Variants in ARFGEF2 observed in about 807,000 individuals in gnomAD.
ARFGEF2 encodes the protein brefeldin A-inhibited guanine nucleotide-exchange protein 2.
ARFGEF2 carries 74 observed loss-of-function variants against 219.9 expected under a neutral mutation model. That is an observed-to-expected ratio of 0.34 (90% CI 0.28 to 0.41). ARFGEF2 has a LOEUF of 0.41. Ranked by LOEUF, ARFGEF2 falls within the 10% of genes least tolerant of loss-of-function variation. The pLI is 1.00. For synonymous variants in ARFGEF2, 733 were observed against 799.2 expected (o/e 0.92, Z 1.40); for missense variants, 1,743 against 2,218.3 (o/e 0.79, Z 4.30).
At chr20:48,987,962 A>G (rs2091335846) in intron 16 of ARFGEF2, among the ~76,000 whole-genome samples, 1 of 151,878 alleles carries the variant, frequency 6.6e-6, no homozygotes, top group Non-Finnish European at 1.5e-5. Context: ...TAATTTTTGT[A>G]TTTTTAGTAG....
chr20:48,982,969 C>T (rs574164529), intron 14 of ARFGEF2, among the ~76,000 whole-genome samples: 3 of 152,268 alleles, frequency 2.0e-5, no homozygotes, highest in South Asian at 2.1e-4. Context: ...AGCGATGCCC[C>T]GCCCTGCTTC....
intron 33 of ARFGEF2, among the ~76,000 whole-genome samples, chr20:49,018,010 C>T (rs1328509538): frequency 1.3e-5 from 2 of 152,162 alleles, no homozygotes; most frequent in Non-Finnish European, 2.9e-5. Flanking sequence ...TTGTTGCCCT[C>T]CTAAATTAAT....
chr20:48,994,718 T>C, intron 22 of ARFGEF2, 120 bp downstream of exon 22: 1 of 1,401,782 alleles, frequency 7.1e-7, no homozygotes, highest in Non-Finnish European at 9.8e-7. Flanking sequence ...CATCTGACAG[T>C]GTTCATGAAT....
chr20:48,951,864 T>C (rs2091072985), intron 4 of ARFGEF2, among the ~76,000 whole-genome samples: 1 of 152,172 alleles, frequency 6.6e-6, no homozygotes, highest in African/African-American at 2.4e-5. Flanking sequence ...GCACAGATAG[T>C]ACCATCTGCT....
chr20:49,003,687 G>C (rs16994295), intron 25 of ARFGEF2, among the ~76,000 whole-genome samples: 16,344 of 152,158 alleles, frequency 0.11, 1,253 homozygotes, highest in African/African-American at 0.22. Flanking sequence ...GCAGGCCTCT[G>C]CAAGATATCC....
intron 34 of ARFGEF2, among the ~76,000 whole-genome samples, chr20:49,020,898 A>G (rs2091561498): frequency 6.6e-6 from 1 of 152,202 alleles, no homozygotes; most frequent in Admixed American, 6.5e-5. Flanking sequence ...CCCCCAGGGA[A>G]CAGTGCCTTT....
chr20:48,965,795 C>G, intron 7 of ARFGEF2, 77 bp from the exon 8 acceptor site: 1 of 1,567,452 alleles, frequency 6.4e-7, no homozygotes, highest in Non-Finnish European at 8.8e-7. Flanking sequence ...TCACAGATAA[C>G]TTCTTTTTGG....
At chr20:48,948,378 C>T (rs1161324645) in intron 3 of ARFGEF2, among the ~76,000 whole-genome samples, 1 of 152,194 alleles carries the variant, frequency 6.6e-6, no homozygotes, top group African/African-American at 2.4e-5. Context: ...ATCTCTCGCT[C>T]CCCTGTACAG....
chr20:48,942,069 A>G, intron 3 of ARFGEF2, 82 bp downstream of exon 3: 1 of 1,569,768 alleles, frequency 6.4e-7, no homozygotes, highest in Non-Finnish European at 8.7e-7. Context: ...GCTGGGGACC[A>G]CGCTGGCACT....
rs2091538152 is a variant in ARFGEF2 at position 49,017,561 on chromosome 20, G to A, written c.4509+11G>A. 6.2e-7 allele frequency: 1 copy of A among 1,613,564 alleles called. No homozygotes were observed. The highest frequency in any genetic ancestry group is 1.7e-5 in the Admixed American group (1 of 59,972). On this transcript the variant is annotated intron_variant, in intron 33 of 38. Coordinates refer to ENST00000371917, the MANE Select transcript of ARFGEF2 (RefSeq NM_006420.3). Reference sequence around the variant, plus strand: ...TCAGAAAAGCATTTGGTAGGATTTGGGGTTTTTCTTTGGTTGTCTTTTCTT... The same window carrying A: ...TCAGAAAAGCATTTGGTAGGATTTGAGGTTTTTCTTTGGTTGTCTTTTCTT...
intron 26 of ARFGEF2, 80 bp downstream of exon 26, chr20:49,005,301 A>G: frequency 1.3e-6 from 2 of 1,565,928 alleles, no homozygotes; most frequent in Non-Finnish European, 8.7e-7. Flanking sequence ...TAACCACATG[A>G]TTAATTTTTT....
intron 16 of ARFGEF2, among the ~76,000 whole-genome samples, chr20:48,986,562 C>T (rs984011628): frequency 2.6e-5 from 4 of 151,348 alleles, no homozygotes; most frequent in South Asian, 4.2e-4. Context: ...TACAGTGAGC[C>T]GAGACCACAC....
chr20:49,016,168 T>G (rs1455136100), intron 30 of ARFGEF2, 112 bp from the exon 31 acceptor site: 8 of 1,094,638 alleles, frequency 7.3e-6, no homozygotes, highest in Non-Finnish European at 1.1e-5. Flanking sequence ...AGACGTATTC[T>G]TGATACATAT....
chr20:49,015,016 TC>T (rs1246345692), intron 30 of ARFGEF2, among the ~76,000 whole-genome samples: 1 of 152,222 alleles, frequency 6.6e-6, no homozygotes, highest in Non-Finnish European at 1.5e-5. Flanking sequence ...AAAATAGAAT[TC>T]CAACACACGT....
chr20:48,976,208 G>A lies in ARFGEF2; in HGVS notation c.1958+9G>A. On this transcript the variant is annotated intron_variant, in intron 14 of 38. Coordinates refer to ENST00000371917, the MANE Select transcript of ARFGEF2 (RefSeq NM_006420.3). Reference sequence around the variant, plus strand: ...GAACACGGCATCGAGCTGTGAGTGGGGCTGCCGTTAACTAGCAGGGATTCT... The same window carrying A: ...GAACACGGCATCGAGCTGTGAGTGGAGCTGCCGTTAACTAGCAGGGATTCT... 1 of 1,613,748 alleles carries A rather than the reference G, an allele frequency of 6.2e-7. No individual in the cohort carries two copies. Among genetic ancestry groups the A allele is most frequent in the Non-Finnish European group, 8.5e-7 (1 of 1,179,970 alleles).
intron 30 of ARFGEF2, 36 bp from the exon 31 acceptor site, chr20:49,016,244 G>A: frequency 6.2e-7 from 1 of 1,610,942 alleles, no homozygotes; most frequent in South Asian, 1.1e-5. Context: ...ACTGCAGGGA[G>A]AATAGCTTTT....
chr20:49,021,745 A>G (rs2091566042), intron 34 of ARFGEF2, among the ~76,000 whole-genome samples: 1 of 151,082 alleles, frequency 6.6e-6, no homozygotes, highest in Admixed American at 6.6e-5. Context: ...GCTACTTGGG[A>G]GGAGGCAGGA....
At chr20:48,995,716 C>T (rs2123475250) in intron 22 of ARFGEF2, 67 bp from the exon 23 acceptor site, 2 of 1,370,792 alleles carry the variant, frequency 1.5e-6, no homozygotes, top group East Asian at 4.6e-5. Context: ...GTTGACATAA[C>T]AGGATGCTTT....
At chr20:49,017,100 T>G in intron 31 of ARFGEF2, 149 bp from the exon 32 acceptor site, 1 of 722,296 alleles carries the variant, frequency 1.4e-6, no homozygotes, top group Non-Finnish European at 2.2e-6. Context: ...TAATAAAAAT[T>G]TTAATACTGT....
Sources: allele counts gnomAD v4.1 joint callset (sites outside exome capture counted in the v4.1 genomes callset), GRCh38; gene constraint gnomAD v4.1.1; transcripts MANE v1.5; gene names NCBI Gene and HGNC (gene_info 2026-07-23, HGNC 2026-07-21).